The following NARS2 variants were observed in gnomAD, a reference collection of about 807,000 sequenced individuals.
NARS2 encodes the protein asparaginyl-tRNA synthetase 2, mitochondrial.
Under a neutral mutation model 62.9 loss-of-function variants are expected in NARS2, and 60 were observed. The ratio of observed to expected loss-of-function variants is 0.95; its 90% CI spans 0.77 to 1.18. The LOEUF (loss-of-function observed/expected upper bound fraction) is 1.18, where lower values mean the gene tolerates loss of function less well. NARS2 is among the 50% of genes most tolerant of loss of function. NARS2 has a pLI of 0.00. For missense variants in NARS2, 619 were observed against 576.4 expected (o/e 1.07, Z -0.76); for synonymous variants, 196 against 200.0 (o/e 0.98, Z 0.17).
At chr11:78,535,373 AAAG>A (rs1322371383) in intron 5 of NARS2, among the ~76,000 whole-genome samples, 1 of 152,088 alleles carries the variant, frequency 6.6e-6, no homozygotes, top group South Asian at 2.1e-4. Flanking sequence ...GTACAATATA[AAAG>A]AATATAAAAA....
chr11:78,528,960 C>T (rs1861390493), intron 5 of NARS2, 24 bp from the exon 6 acceptor site: 3 of 1,439,700 alleles, frequency 2.1e-6, no homozygotes, highest in Middle Eastern at 1.8e-4. Flanking sequence ...ACATAAGCCA[C>T]AAAAAACTAT....
At chr11:78,467,910 G>C (rs1269534836) in intron 10 of NARS2, among the ~76,000 whole-genome samples, 2 of 151,748 alleles carry the variant, frequency 1.3e-5, no homozygotes, top group Non-Finnish European at 2.9e-5. Context: ...GGCTGTAGTC[G>C]ATCATGGCTC....
At chr11:78,559,300 T>TC (rs1856476970) in intron 5 of NARS2, among the ~76,000 whole-genome samples, 1 of 1,272 alleles carries the variant, frequency 7.9e-4, no homozygotes, top group African/African-American at 1.0e-3. Flanking sequence ...AGACTCCATC[T>TC]CAAAAAAAAA....
chr11:78,462,655 T>G (rs1333710759), intron 11 of NARS2, among the ~76,000 whole-genome samples: 1 of 152,196 alleles, frequency 6.6e-6, no homozygotes, highest in Non-Finnish European at 1.5e-5. Context: ...AATCTATCTC[T>G]GCACTCCAGT....
chr11:78,513,374 C>T (rs1351533283), intron 6 of NARS2, among the ~76,000 whole-genome samples: 1 of 151,010 alleles, frequency 6.6e-6, no homozygotes, highest in Non-Finnish European at 1.5e-5. Context: ...CTATTAACCA[C>T]CCCCACTTCA....
At chr11:78,449,718 T>C (rs1482069183) in intron 11 of NARS2, among the ~76,000 whole-genome samples, 2 of 152,286 alleles carry the variant, frequency 1.3e-5, no homozygotes, top group East Asian at 3.9e-4. Flanking sequence ...AGGCCTCAAC[T>C]GTGCACTGTG....
chr11:78,439,646 T>C (rs779280367), intron 13 of NARS2, among the ~76,000 whole-genome samples: 1 of 152,142 alleles, frequency 6.6e-6, no homozygotes, highest in Non-Finnish European at 1.5e-5. Flanking sequence ...CTGGTTAATA[T>C]AAGGCATTCA....
At chr11:78,497,397 A>G (rs1159796014) in intron 6 of NARS2, among the ~76,000 whole-genome samples, 1 of 152,156 alleles carries the variant, frequency 6.6e-6, no homozygotes, top group African/African-American at 2.4e-5. Context: ...AGTGAATCTT[A>G]ACATTTTGAA....
chr11:78,498,274 C>A (rs1860140892), intron 6 of NARS2, among the ~76,000 whole-genome samples: 1 of 152,100 alleles, frequency 6.6e-6, no homozygotes, highest in Non-Finnish European at 1.5e-5. Context: ...CCTTGAAATA[C>A]CCTCGCCTCT....
Position 78,540,262 on chromosome 11 carries a change from T to C in NARS2, c.595-11326A>G, listed in dbSNP as rs1855559876. 2.6e-5 allele frequency among the ~76,000 whole-genome samples: 4 copies of C among 152,230 alleles called. No individual in the cohort carries two copies. In the South Asian group the frequency reaches 8.3e-4, roughly 31 times the overall value. Reference sequence around the variant, plus strand: ...CGGATCTAAAATCCTCCCTGTTTCTTTGAGGATTTCCAAGAAAATATTAAA... The same window carrying C: ...CGGATCTAAAATCCTCCCTGTTTCTCTGAGGATTTCCAAGAAAATATTAAA... On this transcript the variant is annotated intron_variant, in intron 5 of 13. Coordinates refer to ENST00000281038, the MANE Select transcript of NARS2 (RefSeq NM_024678.6).
rs1857516883 is a variant in NARS2, at chr11:78,439,696, C to T, written c.1289+1395G>A. Among the ~76,000 whole-genome samples, 8 of 152,224 alleles carry T rather than the reference C, an allele frequency of 5.3e-5. No individual in the cohort carries two copies. The South Asian group carries it at 1.7e-3, about 32-fold the overall frequency. On this transcript the variant is annotated intron_variant, in intron 13 of 13. Coordinates refer to ENST00000281038, the MANE Select transcript of NARS2 (RefSeq NM_024678.6). ...AAGCCAATTTTAGATTTTTTTGCAT[C>T]TCTGAAACCTATCTCCTTCCATACC...
intron 11 of NARS2, among the ~76,000 whole-genome samples, chr11:78,451,919 G>A (rs1467646653): frequency 6.6e-6 from 1 of 151,770 alleles, no homozygotes; most frequent in East Asian, 1.9e-4. Flanking sequence ...GCTGTTGCAT[G>A]CCAGGCTCTC....
chr11:78,559,766 T>C lies in NARS2; in HGVS notation c.514-147A>G, dbSNP rs922359195. On this transcript the variant is annotated intron_variant, in intron 4 of 13. Coordinates refer to ENST00000281038, the MANE Select transcript of NARS2 (RefSeq NM_024678.6). ...CCCTAAATATTAAGACTACTGAAAATCAGTTGAGTGTTTTAACTACCCACA... is the reference window on the plus strand; with the variant it reads ...CCCTAAATATTAAGACTACTGAAAACCAGTTGAGTGTTTTAACTACCCACA... 2.1e-5 allele frequency: 12 copies of C among 572,418 alleles called. No homozygotes were observed. In the East Asian group the frequency reaches 3.5e-4, roughly 17 times the overall value. 35.5% of individuals were successfully genotyped at this position (572,418 alleles called of 1,614,324 possible).
intron 11 of NARS2, among the ~76,000 whole-genome samples, chr11:78,453,520 T>C (rs781677001): frequency 6.6e-6 from 1 of 152,022 alleles, no homozygotes; most frequent in African/African-American, 2.4e-5. Context: ...ACGCTAAAGC[T>C]GAAAGAGGGA....
At chr11:78,475,308 C>T (rs1347510954) in intron 9 of NARS2, among the ~76,000 whole-genome samples, 1 of 152,122 alleles carries the variant, frequency 6.6e-6, no homozygotes, top group Non-Finnish European at 1.5e-5. Context: ...CAGTCACCTA[C>T]TGATGGACAC....
At chr11:78,477,913 T>A (rs1371412500) in intron 9 of NARS2, among the ~76,000 whole-genome samples, 2 of 151,918 alleles carry the variant, frequency 1.3e-5, no homozygotes, top group African/African-American at 4.8e-5. Flanking sequence ...AATCTCTCAA[T>A]CTCTCTCTCT....
At chr11:78,557,239 T>C (rs142415987) in intron 5 of NARS2, among the ~76,000 whole-genome samples, 22 of 152,326 alleles carry the variant, frequency 1.4e-4, no homozygotes, top group African/African-American at 3.8e-4. Context: ...CAGTACTTAA[T>C]GACACTTCAT....
chr11:78,490,495 T>TA (rs1859773407), intron 7 of NARS2, among the ~76,000 whole-genome samples: 1 of 152,038 alleles, frequency 6.6e-6, no homozygotes, highest in Non-Finnish European at 1.5e-5. Context: ...CATCTACAGA[T>TA]AAAAACAAAG....
intron 6 of NARS2, among the ~76,000 whole-genome samples, chr11:78,497,002 A>G (rs1339455830): frequency 6.6e-6 from 1 of 152,170 alleles, no homozygotes; most frequent in Non-Finnish European, 1.5e-5. Flanking sequence ...GAACAAGGCC[A>G]TTTCTAAAAT....
Sources: gnomAD v4.1 joint callset for allele counts (sites outside exome capture counted in the v4.1 genomes callset) on GRCh38, gnomAD v4.1.1 for gene constraint, MANE v1.5 for transcripts, NCBI Gene and HGNC (gene_info 2026-07-23, HGNC 2026-07-21) for gene names.